The following LHFPL3 variants were observed in gnomAD, a reference collection of about 807,000 sequenced individuals.
LHFPL3 encodes the protein LHFPL tetraspan subfamily member 3, also known as LHFPL tetraspan subfamily member 3 protein.
Under a neutral mutation model 19.3 loss-of-function variants are expected in LHFPL3, and 5 were observed. The ratio of observed to expected loss-of-function variants is 0.26; its 90% CI spans 0.14 to 0.54. The LOEUF is 0.54. LHFPL3 is among the 20% of genes least tolerant of loss of function. The pLI, the probability that LHFPL3 is intolerant of heterozygous loss-of-function variation, is 0.94. For missense variants in LHFPL3, 249 were observed against 307.4 expected (o/e 0.81, Z 1.42); for synonymous variants, 133 against 126.2 (o/e 1.05, Z -0.36).
intron 2 of LHFPL3, among the ~76,000 whole-genome samples, chr7:104,789,915 G>A (rs913319252): frequency 1.3e-5 from 2 of 151,924 alleles, no homozygotes; most frequent in African/African-American, 2.4e-5. Context: ...TTTTTCTAGC[G>A]GTTTTTTCCA....
chr7:104,336,771 T>C (rs1278160778), intron 1 of LHFPL3, among the ~76,000 whole-genome samples: 1 of 152,188 alleles, frequency 6.6e-6, no homozygotes, highest in Non-Finnish European at 1.5e-5. Context: ...GTGAAGTTGA[T>C]CTTCTAGTTG....
At chr7:104,829,413 T>C (rs568763171) in intron 2 of LHFPL3, among the ~76,000 whole-genome samples, 62 of 151,796 alleles carry the variant, frequency 4.1e-4, no homozygotes, top group Non-Finnish European at 4.4e-4. Flanking sequence ...ATGTGCCATG[T>C]TGGTGTGCTG....
At chr7:104,369,559 T>G (rs947441850) in intron 1 of LHFPL3, among the ~76,000 whole-genome samples, 8 of 152,222 alleles carry the variant, frequency 5.3e-5, no homozygotes, top group African/African-American at 1.9e-4. Flanking sequence ...ACTGGAATTA[T>G]TGGGTTGTAT....
intron 1 of LHFPL3, among the ~76,000 whole-genome samples, chr7:104,359,194 A>G (rs1790342828): frequency 6.6e-6 from 1 of 152,166 alleles, no homozygotes; most frequent in African/African-American, 2.4e-5. Context: ...CTCAATACAG[A>G]GATTTCTCCT....
intron 1 of LHFPL3, among the ~76,000 whole-genome samples, chr7:104,636,769 T>A (rs913216273): frequency 6.6e-6 from 1 of 152,226 alleles, no homozygotes. Flanking sequence ...TGTAAAACAT[T>A]TTCTTTAGTC....
At chr7:104,525,283 C>G (rs900675616) in intron 1 of LHFPL3, among the ~76,000 whole-genome samples, 1 of 152,170 alleles carries the variant, frequency 6.6e-6, no homozygotes, top group Non-Finnish European at 1.5e-5. Context: ...TATAACGTGA[C>G]ATAATGGCAT....
chr7:104,444,875 C>A (rs1010005010), intron 1 of LHFPL3, among the ~76,000 whole-genome samples: 1 of 152,112 alleles, frequency 6.6e-6, no homozygotes, highest in Admixed American at 6.5e-5. Flanking sequence ...GTAATCCCAG[C>A]TACACGGGAG....
chr7:104,735,852 ACACTTTCTTTAT>A (rs1224247325), intron 1 of LHFPL3, among the ~76,000 whole-genome samples: 2 of 152,216 alleles, frequency 1.3e-5, no homozygotes, highest in African/African-American at 4.8e-5. Flanking sequence ...AACCGCCATA[ACACTTTCTTTAT>A]CAGTTCATCC....
chr7:104,346,023 T>C (rs1002337999), intron 1 of LHFPL3, among the ~76,000 whole-genome samples: 2 of 150,550 alleles, frequency 1.3e-5, no homozygotes, highest in Non-Finnish European at 2.9e-5. Context: ...TTTAAAAGTT[T>C]TGAATTTTTA....
chr7:104,742,589 C>G (rs974551213), intron 2 of LHFPL3, among the ~76,000 whole-genome samples: 3 of 152,282 alleles, frequency 2.0e-5, no homozygotes, highest in Non-Finnish European at 2.9e-5. Context: ...CAGTGCTAGT[C>G]CTGTCTCTGA....
chr7:104,400,416 A>G (rs1023162461), intron 1 of LHFPL3, among the ~76,000 whole-genome samples: 41 of 152,302 alleles, frequency 2.7e-4, no homozygotes, highest in African/African-American at 7.7e-4. Context: ...TGGTAGGTCA[A>G]TTCTTTCAGC....
At chr7:104,848,905 T>G (rs545009207) in intron 2 of LHFPL3, among the ~76,000 whole-genome samples, 12 of 151,406 alleles carry the variant, frequency 7.9e-5, no homozygotes, top group African/African-American at 2.7e-4. Context: ...TTTTGGTTTT[T>G]TTTTTGTTGT....
At chr7:104,559,596 T>C (rs1348516222) in intron 1 of LHFPL3, among the ~76,000 whole-genome samples, 1 of 152,152 alleles carries the variant, frequency 6.6e-6, no homozygotes, top group East Asian at 1.9e-4. Context: ...ACGATGGGGT[T>C]TTATAGATAT....
chr7:104,409,905 T>C (rs966574859), intron 1 of LHFPL3, among the ~76,000 whole-genome samples: 3 of 152,084 alleles, frequency 2.0e-5, no homozygotes, highest in African/African-American at 7.2e-5. Context: ...CCCACTTTGC[T>C]TGGATTTACG....
intron 2 of LHFPL3, among the ~76,000 whole-genome samples, chr7:104,760,106 G>A (rs1390879347): frequency 6.6e-6 from 1 of 152,182 alleles, no homozygotes; most frequent in Non-Finnish European, 1.5e-5. Context: ...GCGATTCAGA[G>A]TGAGGCCTGA....
At chr7:104,572,019 C>G (rs1316998123) in intron 1 of LHFPL3, among the ~76,000 whole-genome samples, 2 of 152,178 alleles carry the variant, frequency 1.3e-5, no homozygotes, top group East Asian at 3.8e-4. Flanking sequence ...TGGTGGTTAT[C>G]CTTCTGGTCG....
intron 2 of LHFPL3, among the ~76,000 whole-genome samples, chr7:104,872,318 C>T (rs1791853063): frequency 1.3e-5 from 2 of 149,336 alleles, no homozygotes; most frequent in Admixed American, 6.8e-5. Context: ...GCCTAGGTGA[C>T]AGAGCAAGAC....
intron 1 of LHFPL3, among the ~76,000 whole-genome samples, chr7:104,404,000 T>C (rs975659665): frequency 6.6e-6 from 1 of 152,236 alleles, no homozygotes; most frequent in African/African-American, 2.4e-5. Flanking sequence ...ACAGCCATGC[T>C]AATTTGTTTA....
intron 2 of LHFPL3, among the ~76,000 whole-genome samples, chr7:104,749,657 A>G (rs113047928): frequency 6.6e-6 from 1 of 152,292 alleles, no homozygotes; most frequent in Admixed American, 6.5e-5. Context: ...GTCAGTTAAC[A>G]TATGCCATTT....
Sources: allele counts gnomAD v4.1 joint callset (sites outside exome capture counted in the v4.1 genomes callset), GRCh38; gene constraint gnomAD v4.1.1; transcripts MANE v1.5; gene names NCBI Gene and HGNC (gene_info 2026-07-23, HGNC 2026-07-21).